Variants in SETX observed in about 807,000 individuals in gnomAD.
SETX encodes senataxin, also known as helicase senataxin.
SETX carries 90 observed loss-of-function variants against 227.2 expected under a neutral mutation model. The ratio of observed to expected loss-of-function variants is 0.40; its 90% CI spans 0.33 to 0.47. The LOEUF (loss-of-function observed/expected upper bound fraction) is 0.47. Among genes scored for constraint, SETX ranks in the 20% least tolerant of loss-of-function variants. SETX has a pLI of 0.91. For missense variants in SETX, 3,052 were observed against 3,181.5 expected, an observed-to-expected ratio of 0.96 and a Z score of 0.98; for synonymous variants, 1,210 against 1,113.2, an observed-to-expected ratio of 1.09 and a Z score of -1.73.
chr9:132,264,148 A>C lies in SETX; in HGVS notation c.*91T>G. The C allele has an allele frequency of 6.3e-7, 1 of 1,581,826 alleles. No individual in the cohort carries two copies. Among genetic ancestry groups the C allele is most frequent in the Non-Finnish European group, 8.6e-7 (1 of 1,161,404 alleles). On this transcript the variant is annotated 3_prime_UTR_variant, in exon 26 of 26. Transcript: ENST00000224140. Reference sequence around the variant, plus strand: ...TTTTCCAACAGCACACAAACTCCTTACAAAAAACAAGCTTATCTAGATGGT... The same window carrying C: ...TTTTCCAACAGCACACAAACTCCTTCCAAAAAACAAGCTTATCTAGATGGT...
chr9:132,325,831 C>T (rs1846706501), intron 10 of SETX, among the ~76,000 whole-genome samples: 1 of 150,598 alleles, frequency 6.6e-6, no homozygotes, highest in Admixed American at 6.6e-5. Flanking sequence ...ACTTGGGAGG[C>T]TGAGGCAGGA....
intron 20 of SETX, among the ~76,000 whole-genome samples, chr9:132,279,148 G>A (rs553785731): frequency 2.6e-5 from 4 of 152,286 alleles, no homozygotes; most frequent in African/African-American, 9.6e-5. Context: ...ACCAAATAAT[G>A]GGTTATATTC....
rs1589632201 is a variant in SETX, at chr9:132,281,358, T to C, written c.6654+109A>G. On this transcript the variant is annotated intron_variant, in intron 20 of 25. Transcript: ENST00000224140. Reference sequence around the variant, plus strand: ...CTCTTTTCTTAGTTACTGCTTACTTTTCCCTCCAAATTAAGAGGCCAATCC... The same window carrying C: ...CTCTTTTCTTAGTTACTGCTTACTTCTCCCTCCAAATTAAGAGGCCAATCC... 5.0e-5 allele frequency: 38 copies of C among 759,268 alleles called. No homozygotes were observed. The East Asian group carries it at 9.3e-4, about 19-fold the overall frequency. The allele number at this position is 759,268 out of a possible 1,614,324, so 47.0% of individuals were successfully genotyped here.
rs928601032 is a variant in SETX, at chr9:132,262,920, G to A, written c.*1319C>T. Reference sequence around the variant, plus strand: ...TGTCAACTGTACATTCTCATGTTTAGGATACTCCAGTTCACTGCGTGGATA... The same window carrying A: ...TGTCAACTGTACATTCTCATGTTTAAGATACTCCAGTTCACTGCGTGGATA... On this transcript the variant is annotated 3_prime_UTR_variant, in exon 26 of 26. Coordinates refer to ENST00000224140, the MANE Select transcript of SETX (RefSeq NM_015046.7). The A allele has an allele frequency of 2.0e-5, 3 of 152,084 alleles. No homozygotes were observed. The highest frequency in any genetic ancestry group is 7.2e-5 in the African/African-American group (3 of 41,386). 9.4% of individuals were successfully genotyped at this position (152,084 alleles called of 1,614,324 possible). A position where few individuals can be genotyped will look rare whatever the true frequency, so the allele number is the denominator to read the frequency against.
chr9:132,319,478 T>C (rs1846195593), intron 10 of SETX, among the ~76,000 whole-genome samples: 1 of 152,200 alleles, frequency 6.6e-6, no homozygotes, highest in Non-Finnish European at 1.5e-5. Context: ...CTGGCTCTCA[T>C]TTCTCCAATC....
intron 11 of SETX, among the ~76,000 whole-genome samples, chr9:132,308,146 C>T (rs1458515348): frequency 1.3e-5 from 2 of 152,128 alleles, no homozygotes; most frequent in Non-Finnish European, 2.9e-5. Context: ...ATTTTGCTCC[C>T]TTTAATGAAT....
At chr9:132,314,409 G>T (rs1490792949) in intron 10 of SETX, among the ~76,000 whole-genome samples, 1 of 151,748 alleles carries the variant, frequency 6.6e-6, no homozygotes, top group Non-Finnish European at 1.5e-5. Flanking sequence ...ATTTTTAGTA[G>T]AGACAGCGTT....
At position 132,314,335 on chromosome 9, in the gene SETX, T is replaced by C. The variant is rs187531335; in HGVS notation, c.5275-2479A>G. 3.5e-3 allele frequency among the ~76,000 whole-genome samples: 530 copies of C among 152,266 alleles called. 4 individuals carry two copies. Among genetic ancestry groups the C allele is most frequent in the Middle Eastern group, 0.014 (4 of 294 alleles). ...AACTCCTGACCTCAGGTGATCCACC[T>C]GCCTCAGCCTCCCAAAGTGCTGGGA... On this transcript the variant is annotated intron_variant, in intron 10 of 25. Coordinates refer to ENST00000224140, the MANE Select transcript of SETX (RefSeq NM_015046.7).
At chr9:132,324,990 GGAGGA>G (rs1193862609) in intron 10 of SETX, among the ~76,000 whole-genome samples, 1 of 152,198 alleles carries the variant, frequency 6.6e-6, no homozygotes, top group Non-Finnish European at 1.5e-5. Flanking sequence ...ACTTGAGTAA[GGAGGA>G]GAGAAGAACC....
chr9:132,299,076 C>T (rs1295025072), intron 12 of SETX, among the ~76,000 whole-genome samples: 1 of 152,136 alleles, frequency 6.6e-6, no homozygotes, highest in Admixed American at 6.5e-5. Flanking sequence ...CACTAGTAGA[C>T]GTGGGAACTG....
In SETX at chr9:132,346,428, T is replaced by C. The variant is rs1378361041; in HGVS notation, c.221A>G (p.Glu74Gly). 1 of 1,613,714 alleles carries C rather than the reference T, an allele frequency of 6.2e-7. No homozygotes were observed. The highest frequency in any genetic ancestry group is 1.1e-5 in the South Asian group (1 of 91,052). Residue 74 changes from glutamate (E) to glycine (G), a missense_variant, in exon 4 of 26, where the codon GAA (glutamate) becomes GGA (glycine). By Grantham distance (98) the Glu-to-Gly change is moderately conservative. Coordinates refer to ENST00000224140, the MANE Select transcript of SETX (RefSeq NM_015046.7). ...LETLRLINHF[E>G]KSMKAEIGDD... ...TCCAATTTCTGCCTTCATGGATTTTTCAAAGTGATTTATGAGACGTAAGGT... is the reference window on the plus strand; with the variant it reads ...TCCAATTTCTGCCTTCATGGATTTTCCAAAGTGATTTATGAGACGTAAGGT...
At chr9:132,304,101 G>A (rs140307291) in intron 11 of SETX, among the ~76,000 whole-genome samples, 16 of 152,226 alleles carry the variant, frequency 1.1e-4, no homozygotes, top group Admixed American at 2.0e-4. Context: ...GCAAGACTCC[G>A]TCTCAAAAAA....
intron 13 of SETX, among the ~76,000 whole-genome samples, chr9:132,297,382 ACT>A (rs1039206528): frequency 6.6e-4 from 100 of 152,136 alleles, no homozygotes; most frequent in Middle Eastern, 3.4e-3. Context: ...TCTATTTACT[ACT>A]CTGTTTTTTT....
intron 5 of SETX, among the ~76,000 whole-genome samples, chr9:132,340,334 A>G (rs927719841): frequency 6.6e-6 from 1 of 152,162 alleles, no homozygotes; most frequent in Admixed American, 6.5e-5. Context: ...TACTATAATA[A>G]TTTTAAATTT....
In SETX at chr9:132,286,420, T is replaced by C. The variant is rs758032918; in HGVS notation, c.6396+3A>G. ...AAGAAAATGCTACAGGTGAACTACT[T>C]ACCTCTTTAATTTTAGAAGCAAGTT... is the stretch of plus-strand genomic sequence containing the variant. On this transcript the variant is annotated splice_donor_region_variant and intron_variant, in intron 18 of 25. Coordinates refer to ENST00000224140, the MANE Select transcript of SETX (RefSeq NM_015046.7). 3.1e-6 allele frequency: 5 copies of C among 1,607,662 alleles called. No individual in the cohort carries two copies. Among genetic ancestry groups the C allele is most frequent in the Non-Finnish European group, 4.3e-6 (5 of 1,174,942 alleles).
chr9:132,321,255 C>T (rs1846308239), intron 10 of SETX, among the ~76,000 whole-genome samples: 1 of 152,170 alleles, frequency 6.6e-6, no homozygotes, highest in African/African-American at 2.4e-5. Flanking sequence ...CGCGGTGGCT[C>T]ACGCCTGTAA....
At chr9:132,289,474 T>C (rs1332074172) in intron 15 of SETX, among the ~76,000 whole-genome samples, 1 of 152,126 alleles carries the variant, frequency 6.6e-6, no homozygotes, top group Non-Finnish European at 1.5e-5. Flanking sequence ...GGCCCCCTGG[T>C]TCCCTCCTTT....
chr9:132,351,019 A>T (rs1038738686), intron 2 of SETX, among the ~76,000 whole-genome samples: 3 of 152,216 alleles, frequency 2.0e-5, no homozygotes, highest in Non-Finnish European at 4.4e-5. Context: ...CAGACTAGGA[A>T]ATGCCAAGTA....
chr9:132,273,459 G>A (rs912704518), intron 23 of SETX, among the ~76,000 whole-genome samples: 8 of 152,142 alleles, frequency 5.3e-5, no homozygotes, highest in Admixed American at 3.3e-4. Context: ...CACTGCACCC[G>A]GCCTATTTAG....
Sources: gnomAD v4.1 joint callset for allele counts (sites outside exome capture counted in the v4.1 genomes callset) on GRCh38, gnomAD v4.1.1 for gene constraint, MANE v1.5 for transcripts, NCBI Gene and HGNC (gene_info 2026-07-23, HGNC 2026-07-21) for gene names.